SGTB: variants seen among roughly 807,000 people sequenced by gnomAD.
SGTB encodes the protein small glutamine rich tetratricopeptide repeat co-chaperone beta.
In SGTB, 19 loss-of-function variants were observed where a neutral mutation model predicts 43.9. That is an observed-to-expected ratio of 0.43 (90% confidence interval 0.30 to 0.63). SGTB has a LOEUF of 0.63. SGTB is among the 30% of genes least tolerant of loss of function. The probability of loss-of-function intolerance (pLI) is 0.12; values close to 1 mark genes in which losing one functional copy is unlikely to be tolerated. For missense variants in SGTB, 304 were observed against 358.9 expected (o/e 0.85, Z 1.24); for synonymous variants, 116 against 117.3 (o/e 0.99, Z 0.07).
At chr5:65,677,499 T>TC (rs1757305948) in intron 8 of SGTB, among the ~76,000 whole-genome samples, 4 of 152,052 alleles carry the variant, frequency 2.6e-5, no homozygotes, top group African/African-American at 9.7e-5. Flanking sequence ...GAGGCCAACA[T>TC]CATCCTGATA....
Position 65,667,005 on chromosome 5 carries a change from T to A in SGTB, c.*3241A>T, listed in dbSNP as rs1007670621. 1 of 152,182 alleles carries A rather than the reference T, an allele frequency of 6.6e-6. No individual in the cohort carries two copies. The highest frequency in any genetic ancestry group is 2.1e-4 in the South Asian group (1 of 4,834). 9.4% of individuals were successfully genotyped at this position (152,182 alleles called of 1,614,324 possible). ...ATTGATATTATTTCTCCCTTAAGTG[T>A]TTGGTAAAATTCATCACGGAAGTTA... On this transcript the variant is annotated 3_prime_UTR_variant, in exon 11 of 11. Transcript: ENST00000381007.
At position 65,682,425 on chromosome 5, in the gene SGTB, G is replaced by T. The variant is rs201672714; in HGVS notation, c.480-1631C>A. Among the ~76,000 whole-genome samples the T allele has an allele frequency of 2.6e-5, 4 of 152,370 alleles. No individual in the cohort carries two copies. The East Asian group carries it at 7.7e-4, about 29-fold the overall frequency. On this transcript the variant is annotated intron_variant, in intron 6 of 10. Transcript: ENST00000381007. ...TCTACGTAGAGGATCTACATGGGCA[G>T]AAGGGTAGAATGGAGGCAGGGAGAT...
At chr5:65,672,794 A>C (rs1435625453) in intron 8 of SGTB, among the ~76,000 whole-genome samples, 1 of 152,190 alleles carries the variant, frequency 6.6e-6, no homozygotes, top group Non-Finnish European at 1.5e-5. Context: ...TGTCGACAAT[A>C]TTTATGTAAA....
Position 65,672,232 on chromosome 5 carries a change from C to A in SGTB, c.719+12G>T. 6.2e-7 allele frequency: 1 copy of A among 1,613,998 alleles called. No homozygotes were observed. The highest frequency in any genetic ancestry group is 8.5e-7 in the Non-Finnish European group (1 of 1,179,980). On this transcript the variant is annotated intron_variant, in intron 9 of 10. Coordinates refer to ENST00000381007, the MANE Select transcript of SGTB (RefSeq NM_019072.3). The stretch of plus-strand genomic sequence containing the variant: ...GTTGGGGAAGTGTAATAAGCTCTTT[C>A]TATATACTTACAGCTGTTGAACTTG...
At chr5:65,692,749 C>A (rs1757636523) in intron 5 of SGTB, among the ~76,000 whole-genome samples, 2 of 152,108 alleles carry the variant, frequency 1.3e-5, no homozygotes, top group Admixed American at 1.3e-4. Context: ...GGAAAGATTT[C>A]AGTATTAATA....
At chr5:65,698,636 T>A (rs916304288) in intron 5 of SGTB, among the ~76,000 whole-genome samples, 8 of 152,078 alleles carry the variant, frequency 5.3e-5, no homozygotes, top group Non-Finnish European at 1.2e-4. Context: ...AAACTGTGCA[T>A]CCAACAAAGG....
chr5:65,687,689 A>G (rs780876901), intron 5 of SGTB, among the ~76,000 whole-genome samples: 1 of 152,238 alleles, frequency 6.6e-6, no homozygotes, highest in African/African-American at 2.4e-5. Context: ...GAAGGAGAAC[A>G]GTTCAGAGAG....
rs570884486 is a variant in SGTB at position 65,692,245 on chromosome 5, G to A, written c.375-6773C>T. ...AAATCACCATTTTGCAACTATCAAC[G>A]TATGTGATAAGGAGAAAGATCATGA... is the stretch of plus-strand genomic sequence containing the variant. On this transcript the variant is annotated intron_variant, in intron 5 of 10. Transcript: ENST00000381007. 6.6e-5 allele frequency among the ~76,000 whole-genome samples: 10 copies of A among 152,248 alleles called. No homozygotes were observed. In the South Asian group the frequency reaches 1.7e-3, roughly 25 times the overall value.
In SGTB at chr5:65,678,065, A is replaced by C. The variant is rs1410522319; in HGVS notation, c.681+2429T>G. 9.9e-5 allele frequency among the ~76,000 whole-genome samples: 15 copies of C among 152,174 alleles called. 1 individual carries two copies. ...AGAGAGGAAGTCAAATTATCCCTAT[A>C]TGCAGATGACAGGATCCTATATCTA... On this transcript the variant is annotated intron_variant, in intron 8 of 10. Transcript: ENST00000381007.
At chr5:65,676,880 C>T (rs1288458444) in intron 8 of SGTB, among the ~76,000 whole-genome samples, 1 of 151,848 alleles carries the variant, frequency 6.6e-6, no homozygotes, top group South Asian at 2.1e-4. Flanking sequence ...CTAGAAAGAT[C>T]TCCAGTTGAC....
At chr5:65,722,154 C>T (rs927620020), upstream of SGTB, 22 of 223,668 alleles carry the variant, frequency 9.8e-5, 1 homozygote, top group East Asian at 1.9e-3. Context: ...AGGGCTGGGG[C>T]GGGGCCAGAC....
rs769899286 is a variant in SGTB at position 65,708,486 on chromosome 5, C to T, written c.274+3G>A. 1 of 1,611,616 alleles carries T rather than the reference C, an allele frequency of 6.2e-7. No homozygotes were observed. The highest frequency in any genetic ancestry group is 1.1e-5 in the South Asian group (1 of 90,522). On this transcript the variant is annotated splice_donor_region_variant and intron_variant, in intron 4 of 10. Transcript: ENST00000381007. ...GTAAGTCATTTTTGTATGAAATATTCACCTTCATCTTTTAATTGGTCAGCT... is the reference window on the plus strand; with the variant it reads ...GTAAGTCATTTTTGTATGAAATATTTACCTTCATCTTTTAATTGGTCAGCT...
intron 8 of SGTB, among the ~76,000 whole-genome samples, chr5:65,673,692 G>C (rs1408353856): frequency 6.8e-6 from 1 of 147,642 alleles, no homozygotes; most frequent in South Asian, 2.1e-4. Flanking sequence ...GTTTCACTCT[G>C]TCACCCAGGC....
chr5:65,698,317 T>C (rs1041805427), intron 5 of SGTB, among the ~76,000 whole-genome samples: 4 of 152,238 alleles, frequency 2.6e-5, no homozygotes, highest in Non-Finnish European at 4.4e-5. Context: ...AGGATGTATA[T>C]TGATGGCTGC....
intron 5 of SGTB, among the ~76,000 whole-genome samples, chr5:65,700,311 T>C (rs1356293715): frequency 6.6e-6 from 1 of 152,014 alleles, no homozygotes; most frequent in Non-Finnish European, 1.5e-5. Flanking sequence ...ATTTCAAACA[T>C]TGAATGTGGA....
At chr5:65,685,304 A>C in intron 6 of SGTB, 64 bp downstream of exon 6, 2 of 1,407,172 alleles carry the variant, frequency 1.4e-6, no homozygotes, top group Non-Finnish European at 2.0e-6. Flanking sequence ...TTCAAAACCA[A>C]GCCATTAAGA....
intron 6 of SGTB, among the ~76,000 whole-genome samples, chr5:65,681,883 G>A (rs562469387): frequency 6.6e-6 from 1 of 151,948 alleles, no homozygotes; most frequent in African/African-American, 2.4e-5. Flanking sequence ...GCTGAGGCAT[G>A]AGAATTGCTT....
At chr5:65,684,484 G>T (rs1757458882) in intron 6 of SGTB, among the ~76,000 whole-genome samples, 1 of 152,158 alleles carries the variant, frequency 6.6e-6, no homozygotes, top group Non-Finnish European at 1.5e-5. Context: ...TGTAATAGTT[G>T]CAAAGTTGTG....
At position 65,692,450 on chromosome 5, in the gene SGTB, C is replaced by T. The variant is rs9291842; in HGVS notation, c.375-6978G>A. Among the ~76,000 whole-genome samples, 261 of 152,208 alleles carry T rather than the reference C, an allele frequency of 1.7e-3. 1 individual carries two copies. The highest frequency in any genetic ancestry group is 6.2e-3 in the African/African-American group (259 of 41,514). The stretch of plus-strand genomic sequence containing the variant: ...GTCTGAAAATATGTACCTCCTAACA[C>T]AATGCAATAAGTGGTACACATAATT... On this transcript the variant is annotated intron_variant, in intron 5 of 10. Transcript: ENST00000381007.
Sources: allele counts gnomAD v4.1 joint callset (sites outside exome capture counted in the v4.1 genomes callset), GRCh38; gene constraint gnomAD v4.1.1; transcripts MANE v1.5; gene names NCBI Gene and HGNC (gene_info 2026-07-23, HGNC 2026-07-21).